The following MACF1 variants were observed in gnomAD, a reference collection of about 807,000 sequenced individuals.
MACF1 encodes microtubule actin crosslinking factor 1.
MACF1 carries 193 observed loss-of-function variants against 854.8 expected under a neutral mutation model. The observed-to-expected ratio is 0.23, with a 90% confidence interval of 0.20 to 0.25. The LOEUF (loss-of-function observed/expected upper bound fraction) is 0.25, where lower values mean the gene tolerates loss of function less well. MACF1 is among the 10% of genes least tolerant of loss of function. The pLI is 1.00. For synonymous variants in MACF1, 3,185 were observed against 3,226.7 expected, an observed-to-expected ratio of 0.99 and a Z score of 0.44; for missense variants, 7,722 against 8,929.1, an observed-to-expected ratio of 0.86 and a Z score of 5.45.
rs1420191120 is a variant in MACF1, at chr1:39,105,094, G to GA, written c.220+20657dup. On this transcript the variant is annotated intron_variant, in intron 2 of 93. Transcript: ENST00000361689. The surrounding 1 kb of genome is among the most constrained non-coding windows in gnomAD (Gnocchi z 5.9). The stretch of plus-strand genomic sequence containing the variant: ...TTCGGCCGGCCCAGCCTTTCATCCT[G>GA]ACGCGCGGGGCCTCCCACCCAGCGG... Among the ~76,000 whole-genome samples the GA allele has an allele frequency of 6.6e-6, 1 of 152,142 alleles. No individual in the cohort carries two copies. The highest frequency in any genetic ancestry group is 1.5e-5 in the Non-Finnish European group (1 of 67,998).
chr1:39,287,527 G>T lies in MACF1; in HGVS notation c.1750G>T (p.Val584Leu). ...TGAAGATGAAGGCAATCTCCGATTT[G>T]TGTATGAACTACTGTCTTGGGTAGA... ...SSEDEGNLRF[V>L]YELLSWVEEM... Residue 584 changes from valine (V) to leucine (L), a missense_variant, in exon 15 of 101, where the codon GTG (valine) becomes TTG (leucine). Coordinates refer to ENST00000564288, the MANE Select transcript of MACF1 (RefSeq NM_001394062.1). 7.4e-6 allele frequency: 12 copies of T among 1,614,226 alleles called. No individual in the cohort carries two copies. The highest frequency in any genetic ancestry group is 1.0e-5 in the Non-Finnish European group (12 of 1,180,036).
chr1:39,410,497 G>A (rs1476529116), intron 58 of MACF1: 7 of 1,613,930 alleles, frequency 4.3e-6, no homozygotes, highest in African/African-American at 1.3e-5. Flanking sequence ...TACATTAGGA[G>A]CAGCATCTAA....
At chr1:39,217,576 G>A (rs182029755) in intron 1 of MACF1, among the ~76,000 whole-genome samples, 1 of 152,130 alleles carries the variant, frequency 6.6e-6, no homozygotes, top group Admixed American at 6.5e-5. Context: ...TTAAAAAAGG[G>A]ATTAAAACAG....
At chr1:39,222,635 A>C (rs1300689834) in intron 1 of MACF1, among the ~76,000 whole-genome samples, 1 of 152,140 alleles carries the variant, frequency 6.6e-6, no homozygotes, top group Non-Finnish European at 1.5e-5. Context: ...CATTTTGTGC[A>C]GCTTGTGTCT....
intron 49 of MACF1, among the ~76,000 whole-genome samples, chr1:39,362,429 T>C (rs140688193): frequency 6.6e-6 from 1 of 152,342 alleles, no homozygotes; most frequent in African/African-American, 2.4e-5. Flanking sequence ...AAATGGTCCA[T>C]TACACACCAG....
intron 1 of MACF1, among the ~76,000 whole-genome samples, chr1:39,216,350 T>C (rs931571249): frequency 5.3e-5 from 8 of 152,196 alleles, no homozygotes; most frequent in African/African-American, 4.8e-5. Context: ...TTCTGATTTA[T>C]TGTGGAACAT....
chr1:39,473,300 T>C (rs554620399), intron 97 of MACF1, among the ~76,000 whole-genome samples: 20 of 152,320 alleles, frequency 1.3e-4, no homozygotes, highest in African/African-American at 4.1e-4. Context: ...ATATAGGAGA[T>C]CAGCATAGGA....
Position 39,357,904 on chromosome 1 carries a change from A to G in MACF1, c.11943+11A>G, listed in dbSNP as rs1240518126. On this transcript the variant is annotated intron_variant, in intron 45 of 100. Transcript: ENST00000564288. ...GCTCTCCACTCAAAGGTAAGGGGGCAGTTCCTGGCATCCTTGGTGAAACAA... is the reference window on the plus strand; with the variant it reads ...GCTCTCCACTCAAAGGTAAGGGGGCGGTTCCTGGCATCCTTGGTGAAACAA... The G allele has an allele frequency of 3.8e-6, 6 of 1,593,362 alleles. No individual in the cohort carries two copies. The Middle Eastern group carries it at 8.4e-4, about 222-fold the overall frequency.
At chr1:39,445,502 G>T (rs1311772202) in intron 80 of MACF1, among the ~76,000 whole-genome samples, 1 of 152,136 alleles carries the variant, frequency 6.6e-6, no homozygotes. Flanking sequence ...CCTGATTTAT[G>T]GTGGAAACAC....
In MACF1 at chr1:39,340,759, G is replaced by A. The variant is rs547727640; in HGVS notation, c.10431+42G>A. The stretch of plus-strand genomic sequence containing the variant: ...ATTCATAAAGGCTCACAAAGTCTGG[G>A]TGGCTGGGAGATTTTCATAATGTGA... On this transcript the variant is annotated intron_variant, in intron 39 of 100. Coordinates refer to ENST00000564288, the MANE Select transcript of MACF1 (RefSeq NM_001394062.1). 2.5e-6 allele frequency: 4 copies of A among 1,612,224 alleles called. No homozygotes were observed. The African/African-American group carries it at 5.3e-5, about 22-fold the overall frequency.
chr1:39,401,836 T>G (rs2451672), intron 58 of MACF1, among the ~76,000 whole-genome samples: 6,248 of 152,344 alleles, frequency 0.041, 347 homozygotes, highest in African/African-American at 0.12. Flanking sequence ...ATGATAAGAA[T>G]TTTCCTTAGT....
At chr1:39,158,754 AT>A (rs887291164) in intron 2 of MACF1, among the ~76,000 whole-genome samples, 4 of 152,074 alleles carry the variant, frequency 2.6e-5, no homozygotes, top group Non-Finnish European at 5.9e-5. Flanking sequence ...CTGGGGAGGT[AT>A]TTCCGCTCAC....
In MACF1 at chr1:39,372,582, C is replaced by G; in HGVS notation, c.13199C>G (p.Ser4400Cys). 2 of 1,609,880 alleles carry G rather than the reference C, an allele frequency of 1.2e-6. No individual in the cohort carries two copies. Among genetic ancestry groups the G allele is most frequent in the Non-Finnish European group, 1.7e-6 (2 of 1,176,330 alleles). The change falls in exon 52 of 101, where the codon TCC becomes TGC. Residue 4400 changes from serine to cysteine, a missense_variant. Ser to Cys is a moderately radical substitution (Grantham distance 112). Around this residue, in one of 15 missense-constraint regions of MACF1, gnomAD observed 2,807 missense variants for 3,235.8 expected, o/e 0.87. Transcript: ENST00000564288. The part of the protein sequence containing the change: ...NLIMEITAPD[S>C]QGKTGSILPS... ...ATCATGGAAATCACAGCACCTGATT[C>G]CCAAGGCAAGACAGGTGAGTACAGG...
chr1:39,338,142 A>G (rs1251640282), intron 38 of MACF1, among the ~76,000 whole-genome samples: 1 of 152,144 alleles, frequency 6.6e-6, no homozygotes, highest in Non-Finnish European at 1.5e-5. Flanking sequence ...TTAGGAAACT[A>G]TTGCAGTAAT....
Position 39,232,194 on chromosome 1 carries a change from TAA to T in MACF1, c.171+952_171+953del, listed in dbSNP as rs1644785603. Among the ~76,000 whole-genome samples the T allele has an allele frequency of 2.0e-5, 3 of 151,214 alleles. No individual in the cohort carries two copies. In the South Asian group the frequency reaches 6.2e-4, roughly 31 times the overall value. On this transcript the variant is annotated intron_variant, in intron 2 of 100. Transcript: ENST00000564288. ...AAGAGAAACCAAAACAGAGGCATGT[TAA>T]GACTCACCTAAAGATAAACAGTATG...
chr1:39,300,981 T>A (rs1646027962), intron 22 of MACF1, among the ~76,000 whole-genome samples: 1 of 152,192 alleles, frequency 6.6e-6, no homozygotes. Flanking sequence ...AAGATCGCAC[T>A]GTTTGCACTC....
At chr1:39,211,638 T>G (rs1644517681) in intron 1 of MACF1, among the ~76,000 whole-genome samples, 1 of 152,016 alleles carries the variant, frequency 6.6e-6, no homozygotes, top group Non-Finnish European at 1.5e-5. Flanking sequence ...ATCCTGACAT[T>G]TTGGGAGGCT....
intron 58 of MACF1, chr1:39,410,594 AGTCAGCACCTGTGCCACCCAGAAGG>A: frequency 6.2e-7 from 1 of 1,614,070 alleles, no homozygotes; most frequent in East Asian, 2.2e-5. Context: ...GATGTGCAGA[AGTCAGCACCTGTGCCACCCAGAAGG>A]CGGCCAAATG....
chr1:39,332,100 G>A lies in MACF1; in HGVS notation c.5512G>A (p.Ala1838Thr), dbSNP rs769829787. 28 of 1,613,896 alleles carry A rather than the reference G, an allele frequency of 1.7e-5. No homozygotes were observed. The highest frequency in any genetic ancestry group is 5.3e-5 in the African/African-American group (4 of 74,862). The change falls in exon 37 of 101, where the codon GCC becomes ACC. Residue 1838 changes from alanine (A) to threonine (T), a missense_variant. Coordinates refer to ENST00000564288, the MANE Select transcript of MACF1 (RefSeq NM_001394062.1). ...VSNDLVAAKI[A>T]LVILESLWSF... ...CAATGATCTAGTAGCTGCTAAGATC[G>A]CCCTTGTGATTCTGGAGTCCCTCTG...
Sources: gnomAD v4.1 joint callset for allele counts (sites outside exome capture counted in the v4.1 genomes callset) on GRCh38, gnomAD v4.1.1 for gene constraint, gnomAD v4.1.1 regional missense constraint, Gnocchi (gnomAD v3.1) non-coding constraint, MANE v1.5 for transcripts, NCBI Gene and HGNC (gene_info 2026-07-23, HGNC 2026-07-21) for gene names.